PLPP1: variants seen among roughly 807,000 people sequenced by gnomAD.
The protein encoded by PLPP1 is lipid phosphate phosphohydrolase 1a.
PLPP1 carries 24 observed loss-of-function variants against 31.2 expected under a neutral mutation model. That is an observed-to-expected ratio of 0.77 (90% CI 0.56 to 1.08). The LOEUF (loss-of-function observed/expected upper bound fraction) is 1.08, where lower values mean the gene tolerates loss of function less well. Ranked by LOEUF, PLPP1 falls within the 50% of genes least tolerant of loss-of-function variation. The pLI is 0.00. For synonymous variants in PLPP1, 146 were observed against 126.3 expected, an observed-to-expected ratio of 1.16 and a Z score of -1.05; for missense variants, 319 against 342.7, an observed-to-expected ratio of 0.93 and a Z score of 0.55.
intron 3 of PLPP1, among the ~76,000 whole-genome samples, chr5:55,452,926 C>T (rs1238282776): frequency 6.6e-6 from 1 of 152,190 alleles, no homozygotes; most frequent in East Asian, 1.9e-4. Flanking sequence ...AGAAAAATTA[C>T]TGGCAAACTC....
intron 2 of PLPP1, among the ~76,000 whole-genome samples, chr5:55,470,679 T>G (rs1752396656): frequency 6.6e-6 from 1 of 152,174 alleles, no homozygotes; most frequent in Non-Finnish European, 1.5e-5. Context: ...GTCTGCCCAT[T>G]TGATCCACAC....
At chr5:55,496,593 G>A (rs1753008048) in intron 1 of PLPP1, among the ~76,000 whole-genome samples, 1 of 152,142 alleles carries the variant, frequency 6.6e-6, no homozygotes, top group Non-Finnish European at 1.5e-5. Context: ...GTGAATACTT[G>A]TTTCATTTAA....
intron 4 of PLPP1, among the ~76,000 whole-genome samples, chr5:55,439,016 C>A (rs1327672138): frequency 6.6e-6 from 1 of 152,116 alleles, no homozygotes; most frequent in African/African-American, 2.4e-5. Flanking sequence ...TACCTAGAGT[C>A]AGTAAAATGC....
chr5:55,444,743 T>TGTGTGTGTGTGTGTGTGTGTG (rs368045819), intron 3 of PLPP1, among the ~76,000 whole-genome samples: 6,286 of 137,302 alleles, frequency 0.046, 345 homozygotes, highest in South Asian at 0.068. Context: ...GGATTCTATT[T>TGTGTGTGTGTGTGTGTGTGTG]TGTGTGTGTG....
intron 1 of PLPP1, among the ~76,000 whole-genome samples, chr5:55,511,416 C>A (rs1236139841): frequency 6.6e-6 from 1 of 151,728 alleles, no homozygotes; most frequent in Non-Finnish European, 1.5e-5. Context: ...AAATTTCAGA[C>A]AATTATATTG....
chr5:55,486,439 A>G (rs1752776432), intron 1 of PLPP1, among the ~76,000 whole-genome samples: 1 of 151,270 alleles, frequency 6.6e-6, no homozygotes, highest in Admixed American at 6.6e-5. Flanking sequence ...ACAAAAAATT[A>G]GCCAGTTGTG....
intron 1 of PLPP1, among the ~76,000 whole-genome samples, chr5:55,511,769 T>C (rs1335756712): frequency 1.4e-5 from 2 of 148,010 alleles, no homozygotes; most frequent in Non-Finnish European, 3.0e-5. Context: ...GTTGACGCCA[T>C]TCTCCTGCCT....
chr5:55,469,905 G>A (rs1752382736), intron 2 of PLPP1, among the ~76,000 whole-genome samples: 1 of 152,196 alleles, frequency 6.6e-6, no homozygotes, highest in Admixed American at 6.5e-5. Context: ...TATCACCAGA[G>A]TGACCTAAAC....
chr5:55,441,921 G>T lies in PLPP1; in HGVS notation c.492-13C>A. On this transcript the variant is annotated splice_polypyrimidine_tract_variant and intron_variant, in intron 3 of 5. Coordinates refer to ENST00000307259, the MANE Select transcript of PLPP1 (RefSeq NM_003711.4). ...ATAGAAGGACAACCTGGAAGAAAAA[G>T]AAGACAAATGTTACTTTTCTCTCTT... 3 of 1,611,070 alleles carry T rather than the reference G, an allele frequency of 1.9e-6. No individual in the cohort carries two copies. The highest frequency in any genetic ancestry group is 2.5e-6 in the Non-Finnish European group (3 of 1,177,266).
chr5:55,462,755 C>T (rs7726259), intron 3 of PLPP1, among the ~76,000 whole-genome samples: 6,743 of 152,066 alleles, frequency 0.044, 441 homozygotes, highest in African/African-American at 0.14. Context: ...GGGCGGATCA[C>T]GAGGTAAGGA....
intron 2 of PLPP1, among the ~76,000 whole-genome samples, chr5:55,472,670 CAGAA>C (rs1241100962): frequency 4.2e-5 from 5 of 119,642 alleles, no homozygotes; most frequent in Non-Finnish European, 7.1e-5. Flanking sequence ...GAGAGAGAGA[CAGAA>C]AGAGAGAGAT....
At position 55,476,444 on chromosome 5, in the gene PLPP1, A is replaced by G. The variant is rs1350377285; in HGVS notation, c.59-994T>C. Among the ~76,000 whole-genome samples the G allele has an allele frequency of 2.6e-5, 4 of 152,130 alleles. No homozygotes were observed. The East Asian group carries it at 5.8e-4, about 22-fold the overall frequency. Reference sequence around the variant, plus strand: ...CTTATACTCACCTCCTAAAACGCCAAATTTTTGCCTAAATGTGAACTTCAA... The same window carrying G: ...CTTATACTCACCTCCTAAAACGCCAGATTTTTGCCTAAATGTGAACTTCAA... On this transcript the variant is annotated intron_variant, in intron 1 of 5. Coordinates refer to ENST00000307259, the MANE Select transcript of PLPP1 (RefSeq NM_003711.4).
intron 4 of PLPP1, among the ~76,000 whole-genome samples, chr5:55,435,048 T>G (rs570749190): frequency 2.0e-5 from 3 of 152,006 alleles, no homozygotes; most frequent in African/African-American, 7.3e-5. Flanking sequence ...AACTCAACGG[T>G]AGAAAACCAA....
At chr5:55,434,907 A>G (rs1272565699) in intron 4 of PLPP1, among the ~76,000 whole-genome samples, 6 of 152,218 alleles carry the variant, frequency 3.9e-5, no homozygotes, top group African/African-American at 1.4e-4. Flanking sequence ...AAATGGGATT[A>G]TATTAAACTA....
chr5:55,489,031 TA>T (rs200873393), intron 1 of PLPP1, among the ~76,000 whole-genome samples: 1 of 150,042 alleles, frequency 6.7e-6, no homozygotes, highest in Admixed American at 6.7e-5. Flanking sequence ...CCATCTCTAC[TA>T]AAAAAAAATA....
At chr5:55,500,200 CT>C (rs1267839102) in intron 1 of PLPP1, among the ~76,000 whole-genome samples, 1 of 151,794 alleles carries the variant, frequency 6.6e-6, no homozygotes, top group Non-Finnish European at 1.5e-5. Flanking sequence ...CTACCTCAGC[CT>C]CCCGAGTAGC....
intron 2 of PLPP1, among the ~76,000 whole-genome samples, chr5:55,468,554 C>T (rs1449609976): frequency 2.6e-5 from 4 of 152,066 alleles, no homozygotes; most frequent in Admixed American, 2.6e-4. Context: ...GTAATCCCAG[C>T]ACTTTGGGAG....
At chr5:55,477,621 GA>G (rs779762572) in intron 1 of PLPP1, among the ~76,000 whole-genome samples, 8 of 151,776 alleles carry the variant, frequency 5.3e-5, no homozygotes, top group Non-Finnish European at 8.8e-5. Context: ...TCAAACTCCT[GA>G]CCTCAAGTAA....
chr5:55,450,991 T>C (rs955370057), intron 3 of PLPP1, among the ~76,000 whole-genome samples: 1 of 152,242 alleles, frequency 6.6e-6, no homozygotes, highest in African/African-American at 2.4e-5. Flanking sequence ...AACGAGACCC[T>C]GAGACTTCTA....
Sources: gnomAD v4.1 joint callset for allele counts (sites outside exome capture counted in the v4.1 genomes callset) on GRCh38, gnomAD v4.1.1 for gene constraint, MANE v1.5 for transcripts, NCBI Gene and HGNC (gene_info 2026-07-23, HGNC 2026-07-21) for gene names.